Variants in NPC1 observed in about 807,000 individuals in gnomAD.
NPC1 encodes Niemann-Pick C1 protein.
Under a neutral mutation model 140.4 loss-of-function variants are expected in NPC1, and 85 were observed. The ratio of observed to expected loss-of-function variants is 0.61; its 90% CI spans 0.51 to 0.72. The LOEUF (loss-of-function observed/expected upper bound fraction) is 0.72, where lower values mean the gene tolerates loss of function less well. Ranked by LOEUF, NPC1 falls within the 30% of genes least tolerant of loss-of-function variation. NPC1 has a pLI of 0.00. For missense variants in NPC1, 1,504 were observed against 1,623.8 expected, an observed-to-expected ratio of 0.93 and a Z score of 1.27; for synonymous variants, 656 against 624.8, an observed-to-expected ratio of 1.05 and a Z score of -0.74.
chr18:23,540,078 T>A (rs1014369281), intron 17 of NPC1, 77 bp from the exon 18 acceptor site: 51 of 1,288,066 alleles, frequency 4.0e-5, no homozygotes, highest in Non-Finnish European at 5.4e-5. Context: ...TCATGGAGAA[T>A]AAGAGGGTGC....
chr18:23,518,807 A>C, downstream of NPC1: 1 of 1,224,060 alleles, frequency 8.2e-7, no homozygotes, highest in Non-Finnish European at 1.2e-6. Context: ...AATATCTTAT[A>C]ATTTACTTAA....
chr18:23,527,634 C>T (rs748749771), downstream of NPC1, among the ~76,000 whole-genome samples: 8 of 137,594 alleles, frequency 5.8e-5, no homozygotes, highest in South Asian at 2.2e-4. Context: ...AAAGGGGTTG[C>T]GAATGACATC....
At chr18:23,524,349 G>A (rs1336043928), downstream of NPC1, 14 of 1,535,020 alleles carry the variant, frequency 9.1e-6, no homozygotes, top group Non-Finnish European at 9.9e-6. Flanking sequence ...TACATGGTGG[G>A]CAGGGGCGAG....
In NPC1 at chr18:23,539,951, C is replaced by T. The variant is rs544601083; in HGVS notation, c.2655G>A (p.Ala885=). The T allele has an allele frequency of 1.5e-5, 25 of 1,614,012 alleles. No homozygotes were observed. The highest frequency in any genetic ancestry group is 1.6e-4 in the Middle Eastern group (1 of 6,084). The stretch of plus-strand genomic sequence containing the variant: ...CCAGGACAAAGTACACAGGCGGACC[C>T]GCATGCAGGTACTGACTGATGGATT... ...YFKSISQYLH[A]GPPVYFVLEE... is the part of the protein sequence containing the mutation. The change falls in exon 18 of 25, where the codon GCG becomes GCA. Residue 885 remains alanine (A), a synonymous_variant. Transcript: ENST00000269228.
intron 9 of NPC1, among the ~76,000 whole-genome samples, chr18:23,553,900 C>T (rs1036397068): frequency 6.6e-6 from 1 of 152,334 alleles, no homozygotes; most frequent in South Asian, 2.1e-4. Context: ...CTCAACTCCT[C>T]AGAGGGAGGC....
chr18:23,556,164 T>A (rs563939770), intron 8 of NPC1, 79 bp downstream of exon 8: 8 of 1,258,164 alleles, frequency 6.4e-6, no homozygotes, highest in Non-Finnish European at 9.3e-6. Context: ...CAAATCCCCA[T>A]CTAGCAGTAG....
chr18:23,581,714 G>C (rs1422379498), intron 1 of NPC1, among the ~76,000 whole-genome samples: 1 of 152,022 alleles, frequency 6.6e-6, no homozygotes, highest in African/African-American at 2.4e-5. Flanking sequence ...CCCTTTTCAA[G>C]TGAACAGTTC....
chr18:23,539,081 A>G (rs1178295028), intron 19 of NPC1, among the ~76,000 whole-genome samples: 1 of 152,182 alleles, frequency 6.6e-6, no homozygotes, highest in African/African-American at 2.4e-5. Flanking sequence ...CTGAGAGGCA[A>G]TCGCTGGAGT....
downstream of NPC1, chr18:23,529,026 T>C: frequency 8.0e-7 from 1 of 1,249,684 alleles, no homozygotes; most frequent in African/African-American, 1.5e-5. Context: ...ATTACAGGCA[T>C]GCGCACAGGA....
rs1248124250 is a variant in NPC1, at chr18:23,516,557, A to G, written c.432-9915T>C. 1.1e-5 allele frequency: 9 copies of G among 837,466 alleles called. No homozygotes were observed. In the African/African-American group the frequency reaches 1.5e-4, roughly 14 times the overall value. 51.9% of individuals were successfully genotyped at this position (837,466 alleles called of 1,614,324 possible). A position where few individuals can be genotyped will look rare whatever the true frequency, so the allele number is the denominator to read the frequency against. Reference sequence around the variant, plus strand: ...AAGGAGGACTCCCCTTGTTCTGGGTATTCAGTGTATAGGTCCTGTGAACAT... The same window carrying G: ...AAGGAGGACTCCCCTTGTTCTGGGTGTTCAGTGTATAGGTCCTGTGAACAT... On this transcript the variant is annotated intron_variant, in intron 3 of 3. Coordinates refer to the NPC1 transcript ENST00000591107.
downstream of NPC1, chr18:23,520,327 T>C (rs561745996): frequency 3.8e-6 from 6 of 1,593,918 alleles, no homozygotes; most frequent in African/African-American, 8.0e-5. Flanking sequence ...ACACGGGTTC[T>C]GTAGAGGAGT....
At chr18:23,547,861 T>G in intron 11 of NPC1, 145 bp downstream of exon 11, 1 of 756,270 alleles carries the variant, frequency 1.3e-6, no homozygotes. Flanking sequence ...CAGTTTCTTC[T>G]TAGCATCATT....
At chr18:23,512,704 T>A (rs1400671873) in intron 3 of NPC1, among the ~76,000 whole-genome samples, 1 of 151,986 alleles carries the variant, frequency 6.6e-6, no homozygotes, top group Non-Finnish European at 1.5e-5. Flanking sequence ...AGTGCTGGGA[T>A]TTATGGGCAT....
intron 4 of NPC1, among the ~76,000 whole-genome samples, chr18:23,562,006 T>C (rs1358864011): frequency 2.6e-5 from 4 of 152,156 alleles, no homozygotes; most frequent in African/African-American, 9.7e-5. Context: ...CCTAATACTG[T>C]TGGCCGGGCA....
At chr18:23,571,441 G>A (rs1301966992) in intron 3 of NPC1, among the ~76,000 whole-genome samples, 1 of 151,962 alleles carries the variant, frequency 6.6e-6, no homozygotes, top group African/African-American at 2.4e-5. Flanking sequence ...TAGATGACTT[G>A]AGGTCAGGAG....
At chr18:23,548,151 T>A (rs531740351) in intron 10 of NPC1, 43 bp from the exon 11 acceptor site, 2 of 1,180,264 alleles carry the variant, frequency 1.7e-6, no homozygotes, top group East Asian at 2.3e-5. Flanking sequence ...ATTACAAGCA[T>A]GCAGAAAATT....
chr18:23,518,902 G>C (rs779798551), downstream of NPC1: 2 of 1,614,000 alleles, frequency 1.2e-6, no homozygotes, highest in Non-Finnish European at 1.7e-6. Context: ...ACGGGCAGCT[G>C]TATGTTCTCT....
chr18:23,508,057 C>T (rs201565495), intron 3 of NPC1: 225 of 1,596,160 alleles, frequency 1.4e-4, no homozygotes, highest in Non-Finnish European at 3.0e-5. Context: ...ACCCCAGGCC[C>T]TTTCTCAGCT....
rs926795131 is a variant in NPC1, at chr18:23,544,883, T to G, written c.1947+77A>C. 3.7e-6 allele frequency: 4 copies of G among 1,088,820 alleles called. No homozygotes were observed. In the African/African-American group the frequency reaches 4.8e-5, roughly 13 times the overall value. 67.4% of individuals were successfully genotyped at this position (1,088,820 alleles called of 1,614,324 possible). On this transcript the variant is annotated intron_variant, in intron 12 of 24. Transcript: ENST00000269228. ...AGTTTTAAACATAATGGAATAAGAA[T>G]AAAGAGGCAAAAATATGACGTTACA... is the stretch of plus-strand genomic sequence containing the variant.
Sources: allele counts gnomAD v4.1 joint callset (sites outside exome capture counted in the v4.1 genomes callset), GRCh38; gene constraint gnomAD v4.1.1; transcripts MANE v1.5; gene names NCBI Gene and HGNC (gene_info 2026-07-23, HGNC 2026-07-21).